The following MMP9 variants were observed in gnomAD, a reference collection of about 807,000 sequenced individuals.
The protein encoded by MMP9 is matrix metallopeptidase 9.
MMP9 carries 73 observed loss-of-function variants against 76.4 expected under a neutral mutation model. The observed-to-expected ratio is 0.96, with a 90% CI of 0.79 to 1.16. The LOEUF (loss-of-function observed/expected upper bound fraction) is 1.16, where lower values mean the gene tolerates loss of function less well. Ranked by LOEUF, MMP9 falls within the 50% of genes most tolerant of loss-of-function variation. MMP9 has a pLI of 0.00. For missense variants in MMP9, 943 were observed against 973.0 expected (o/e 0.97, Z 0.41); for synonymous variants, 412 against 408.4 (o/e 1.01, Z -0.11).
intron 1 of MMP9, among the ~76,000 whole-genome samples, chr20:46,009,318 AG>A (rs2084261421): frequency 6.6e-6 from 1 of 151,694 alleles, no homozygotes; most frequent in South Asian, 2.1e-4. Flanking sequence ...GAGGCATTGG[AG>A]GGTTCTGGGG....
At position 46,012,428 on chromosome 20, in the gene MMP9, A is replaced by G. The variant is rs1221145531; in HGVS notation, c.1176A>G (p.Gly392=). 6.2e-7 allele frequency: 1 copy of G among 1,613,896 alleles called. No homozygotes were observed. The highest frequency in any genetic ancestry group is 8.5e-7 in the Non-Finnish European group (1 of 1,179,972). Residue 392 remains glycine (G), a splice_region_variant and synonymous_variant, in exon 8 of 13, where the codon GGA becomes GGG. Coordinates refer to ENST00000372330, the MANE Select transcript of MMP9 (RefSeq NM_004994.3). ...DKKWGFCPDQ[G]YSLFLVAAHE... ...GTCTCAGGCTCCCTCTCCCTCCAGGATACAGTTTGTTCCTCGTGGCGGCGC... is the reference window on the plus strand; with the variant it reads ...GTCTCAGGCTCCCTCTCCCTCCAGGGTACAGTTTGTTCCTCGTGGCGGCGC...
Position 46,013,876 on chromosome 20 carries a change from A to G in MMP9, c.1750+80A>G, listed in dbSNP as rs1394026879. 1 of 1,584,764 alleles carries G rather than the reference A, an allele frequency of 6.3e-7. No homozygotes were observed. Among genetic ancestry groups the G allele is most frequent in the African/African-American group, 1.3e-5 (1 of 74,192 alleles). On this transcript the variant is annotated intron_variant, in intron 10 of 12. Coordinates refer to ENST00000372330, the MANE Select transcript of MMP9 (RefSeq NM_004994.3). This position sits in a 1 kb window ranked among gnomAD's most constrained non-coding sequence, Gnocchi z 4.5. Reference sequence around the variant, plus strand: ...CTCAAGAGACCATCGATAACCCACGAAACGTCTTGTGCGTTTTAGAAAAAT... The same window carrying G: ...CTCAAGAGACCATCGATAACCCACGGAACGTCTTGTGCGTTTTAGAAAAAT...
Position 46,011,306 on chromosome 20 carries a change from C to T in MMP9, c.813C>T (p.Cys271=). Reference sequence around the variant, plus strand: ...ACACCGACGACCGGTTTGGCTTCTGCCCCAGCGAGAGTGAGTGAGGGGGCT... The same window carrying T: ...ACACCGACGACCGGTTTGGCTTCTGTCCCAGCGAGAGTGAGTGAGGGGGCT... The part of the protein sequence containing the change: ...NYDTDDRFGF[C]PSERLYTQDG... Residue 271 remains cysteine (C), a synonymous_variant, in exon 5 of 13, where the codon TGC becomes TGT. Transcript: ENST00000372330. The T allele has an allele frequency of 1.2e-5, 20 of 1,604,518 alleles. No individual in the cohort carries two copies. The highest frequency in any genetic ancestry group is 1.7e-5 in the Non-Finnish European group (20 of 1,178,150).
Position 46,013,740 on chromosome 20 carries a change from G to T in MMP9, c.1694G>T (p.Arg565Leu), listed in dbSNP as rs543335411. Residue 565 changes from arginine (R) to leucine (L), a missense_variant, in exon 10 of 13, where the codon CGC becomes CTC. By Grantham distance (102) the Arg-to-Leu change is moderately radical (BLOSUM62 -2). Transcript: ENST00000372330. This position sits in a 1 kb window ranked among gnomAD's most constrained non-coding sequence, Gnocchi z 4.5. ...LIADKWPALPRKLDSVFEERL... is the reference protein window; with the variant it reads ...LIADKWPALPLKLDSVFEERL... ...GCCGACAAGTGGCCCGCGCTGCCCC[G>T]CAAGCTGGACTCGGTCTTTGAGGAG... is the stretch of plus-strand genomic sequence containing the variant. 2 of 1,613,674 alleles carry T rather than the reference G, an allele frequency of 1.2e-6. No individual in the cohort carries two copies. The highest frequency in any genetic ancestry group is 2.7e-5 in the African/African-American group (2 of 75,038).
At chr20:46,010,343 A>AAAAAAAAAAAAAGT in intron 2 of MMP9, 140 bp from the exon 3 acceptor site, 4 of 926,566 alleles carry the variant, frequency 4.3e-6, no homozygotes, top group Non-Finnish European at 4.9e-6. Flanking sequence ...AAAAAAAAAC[A>AAAAAAAAAAAAAGT]GTCTGGAAGC....
intron 6 of MMP9, 51 bp downstream of exon 6, chr20:46,011,798 G>C: frequency 6.4e-7 from 1 of 1,569,100 alleles, no homozygotes; most frequent in Non-Finnish European, 8.6e-7. Flanking sequence ...ATCATGTATT[G>C]GCCCCCAAAA....
intron 5 of MMP9, 107 bp downstream of exon 5, chr20:46,011,423 C>A: frequency 6.4e-7 from 1 of 1,570,660 alleles, no homozygotes; most frequent in Admixed American, 1.7e-5. Flanking sequence ...AATTCACCCT[C>A]CCGCACTCTG....
chr20:46,010,106 G>A lies in MMP9; in HGVS notation c.371+8G>A, dbSNP rs113001970. 1.9e-5 allele frequency: 29 copies of A among 1,541,582 alleles called. No homozygotes were observed. The African/African-American group carries it at 2.3e-4, about 12-fold the overall frequency. ...CCACAACATCACCTATTGGTGAGCC[G>A]GGGCCGTGGGGGCAGCGGGGTGGGG... is the stretch of plus-strand genomic sequence containing the variant. On this transcript the variant is annotated splice_region_variant and intron_variant, in intron 2 of 12. Coordinates refer to ENST00000372330, the MANE Select transcript of MMP9 (RefSeq NM_004994.3).
Position 46,013,408 on chromosome 20 carries a change from G to GT in MMP9, c.1485dup (p.Pro496SerfsTer49). On this transcript the variant is annotated frameshift_variant, in exon 9 of 13. Coordinates refer to ENST00000372330, the MANE Select transcript of MMP9 (RefSeq NM_004994.3). LOFTEE classifies it high-confidence loss of function. The surrounding 1 kb of genome is among the most constrained non-coding windows in gnomAD (Gnocchi z 4.5). Reference sequence around the variant, plus strand: ...GGTCCCCCCTCAGCTGGCCCCACAGGTCCCCCCACTGCTGGCCCTTCTACG... The same window carrying GT: ...GGTCCCCCCTCAGCTGGCCCCACAGGTTCCCCCCACTGCTGGCCCTTCTACG... 1 of 1,613,234 alleles carries GT rather than the reference G, an allele frequency of 6.2e-7. No individual in the cohort carries two copies. The highest frequency in any genetic ancestry group is 2.2e-5 in the East Asian group (1 of 44,856).
chr20:46,010,749 G>A, intron 3 of MMP9, 118 bp downstream of exon 3: 1 of 1,543,426 alleles, frequency 6.5e-7, no homozygotes, highest in Non-Finnish European at 8.8e-7. Flanking sequence ...GCGCTGCCCT[G>A]GCTTATACGG....
rs770850998 is a variant in MMP9, at chr20:46,013,306, C to G, written c.1382C>G (p.Pro461Arg). ...CCTCCAACCACCACCACACCGCAGCCCACGGCTCCCCCGACGGTCTGCCCC... is the reference window on the plus strand; with the variant it reads ...CCTCCAACCACCACCACACCGCAGCGCACGGCTCCCCCGACGGTCTGCCCC... The part of the protein sequence containing the change: ...PRPPTTTTPQ[P>R]TAPPTVCPTG... The change falls in exon 9 of 13, where the codon CCC becomes CGC. Residue 461 changes from proline (P) to arginine (R), a missense_variant. Coordinates refer to ENST00000372330, the MANE Select transcript of MMP9 (RefSeq NM_004994.3). The surrounding 1 kb of genome is among the most constrained non-coding windows in gnomAD (Gnocchi z 4.5). 1 of 1,614,024 alleles carries G rather than the reference C, an allele frequency of 6.2e-7. No individual in the cohort carries two copies.
In MMP9 at chr20:46,009,907, G is replaced by T; in HGVS notation, c.180G>T (p.Met60Ile). ...ATGGTTACACTCGGGTGGCAGAGAT[G>T]CGTGGAGAGTCGAAATCTCTGGGGC... ...YRYGYTRVAE[M>I]RGESKSLGPA... The change falls in exon 2 of 13, where the codon ATG becomes ATT. Residue 60 changes from methionine to isoleucine, a missense_variant. Coordinates refer to ENST00000372330, the MANE Select transcript of MMP9 (RefSeq NM_004994.3). The T allele has an allele frequency of 6.4e-7, 1 of 1,552,274 alleles. No individual in the cohort carries two copies. Among genetic ancestry groups the T allele is most frequent in the South Asian group, 1.2e-5 (1 of 84,120 alleles).
At position 46,010,948 on chromosome 20, in the gene MMP9, G is replaced by T; in HGVS notation, c.547G>T (p.Gly183Trp). The T allele has an allele frequency of 6.2e-7, 1 of 1,614,220 alleles. No individual in the cohort carries two copies. ...AEHGDGYPFD[G>W]KDGLLAHAFP... The stretch of plus-strand genomic sequence containing the variant: ...GCACGGAGACGGGTATCCCTTCGAC[G>T]GGAAGGACGGGCTCCTGGCACACGC... The change falls in exon 4 of 13, where the codon GGG becomes TGG. Residue 183 changes from glycine to tryptophan, a missense_variant. By Grantham distance (184) the Gly-to-Trp change is radical. Coordinates refer to ENST00000372330, the MANE Select transcript of MMP9 (RefSeq NM_004994.3).
rs1441617136 is a variant in MMP9 at position 46,014,708 on chromosome 20, T to G, written c.2005+234T>G. 5 of 592,070 alleles carry G rather than the reference T, an allele frequency of 8.4e-6. No homozygotes were observed. The East Asian group carries it at 1.4e-4, about 17-fold the overall frequency. 36.7% of individuals were successfully genotyped at this position (592,070 alleles called of 1,614,324 possible). A position where few individuals can be genotyped will look rare whatever the true frequency, so the allele number is the denominator to read the frequency against. ...CGGCTGGAAGCTCTTTCTCCTTCAG[T>G]ACAGGACGGCAGGTGGTTTGTATGG... On this transcript the variant is annotated intron_variant, in intron 12 of 12. Coordinates refer to ENST00000372330, the MANE Select transcript of MMP9 (RefSeq NM_004994.3).
chr20:46,009,972 A>G lies in MMP9; in HGVS notation c.245A>G (p.Glu82Gly). The G allele has an allele frequency of 1.3e-6, 2 of 1,551,842 alleles. No homozygotes were observed. Among genetic ancestry groups the G allele is most frequent in the Non-Finnish European group, 1.7e-6 (2 of 1,147,054 alleles). ...LLLQKQLSLP[E>G]TGELDSATLK... ...CTCCAGAAGCAACTGTCCCTGCCCG[A>G]GACCGGTGAGCTGGATAGCGCCACG... The change falls in exon 2 of 13, where the codon GAG (glutamate) becomes GGG (glycine). Residue 82 changes from glutamate (E) to glycine (G), a missense_variant. By Grantham distance (98) the Glu-to-Gly change is moderately conservative. Transcript: ENST00000372330.
chr20:46,013,961 T>G lies in MMP9; in HGVS notation c.1751-163T>G. 1.4e-6 allele frequency: 2 copies of G among 1,386,112 alleles called. No homozygotes were observed. The highest frequency in any genetic ancestry group is 2.1e-5 in the Admixed American group (1 of 47,502). 85.9% of individuals were successfully genotyped at this position (1,386,112 alleles called of 1,614,324 possible). A position where few individuals can be genotyped will look rare whatever the true frequency, so the allele number is the denominator to read the frequency against. On this transcript the variant is annotated intron_variant, in intron 10 of 12. Transcript: ENST00000372330. The surrounding 1 kb of genome is among the most constrained non-coding windows in gnomAD (Gnocchi z 4.5). ...GGGCGGCTGAGTTTCTGCCCCCTCC[T>G]CTCCACGCCCTCGCGTCGCTCTACC...
chr20:46,010,981 C>T lies in MMP9; in HGVS notation c.580C>T (p.Pro194Ser), dbSNP rs757968778. ...KDGLLAHAFP[P>S]GPGIQGDAHF... Reference sequence around the variant, plus strand: ...CGGGCTCCTGGCACACGCCTTTCCTCCTGGCCCCGGCATTCAGGGAGACGC... The same window carrying T: ...CGGGCTCCTGGCACACGCCTTTCCTTCTGGCCCCGGCATTCAGGGAGACGC... Residue 194 changes from proline (P) to serine (S), a missense_variant, in exon 4 of 13, where the codon CCT becomes TCT. Transcript: ENST00000372330. The T allele has an allele frequency of 4.3e-6, 7 of 1,614,098 alleles. No individual in the cohort carries two copies. The Admixed American group carries it at 1.0e-4, about 23-fold the overall frequency.
chr20:46,015,972 T>C (rs776192475), intron 12 of MMP9, among the ~76,000 whole-genome samples: 1 of 152,330 alleles, frequency 6.6e-6, no homozygotes, highest in South Asian at 2.1e-4. Flanking sequence ...AGCATTAAGA[T>C]AGTTGGTCTA....
chr20:46,010,335 A>ACAAACAAAC lies in MMP9; in HGVS notation c.372-148_372-147insCAAACAAAC, dbSNP rs1568846669. The ACAAACAAAC allele has an allele frequency of 4.4e-5, 39 of 879,224 alleles. 1 individual carries two copies. The highest frequency in any genetic ancestry group is 6.4e-5 in the Non-Finnish European group (37 of 574,090). The allele number at this position is 879,224 out of a possible 1,614,324, so 54.5% of individuals were successfully genotyped here. ...GTCTAAGTAGACAAAAAAAAAAAAAAAAAAAACAGTCTGGAAGCAATTTAT... is the reference window on the plus strand; with the variant it reads ...GTCTAAGTAGACAAAAAAAAAAAAAACAAACAAACAAAAAACAGTCTGGAAGCAATTTAT... On this transcript the variant is annotated intron_variant, in intron 2 of 12. Coordinates refer to ENST00000372330, the MANE Select transcript of MMP9 (RefSeq NM_004994.3).
Sources: allele counts gnomAD v4.1 joint callset (sites outside exome capture counted in the v4.1 genomes callset), GRCh38; gene constraint gnomAD v4.1.1; non-coding constraint Gnocchi (gnomAD v3.1); transcripts MANE v1.5; gene names NCBI Gene and HGNC (gene_info 2026-07-23, HGNC 2026-07-21).